LRRTM4: variants seen among roughly 807,000 people sequenced by gnomAD.
The protein encoded by LRRTM4 is leucine rich repeat transmembrane neuronal 4.
Under a neutral mutation model 47.6 loss-of-function variants are expected in LRRTM4, and 25 were observed. That is an observed-to-expected ratio of 0.53 (90% CI 0.38 to 0.73). LRRTM4 has a LOEUF of 0.73. LRRTM4 is among the 30% of genes least tolerant of loss of function. The pLI is 0.00. For missense variants in LRRTM4, 638 were observed against 713.4 expected (o/e 0.89, Z 1.20); for synonymous variants, 311 against 269.5 (o/e 1.15, Z -1.51).
chr2:77,386,002 C>G (rs540963695), intron 3 of LRRTM4, among the ~76,000 whole-genome samples: 2 of 151,922 alleles, frequency 1.3e-5, no homozygotes, highest in African/African-American at 4.8e-5. Context: ...GGTGATCCAA[C>G]CACCTCGGCC....
chr2:76,825,726 C>T (rs549964176), intron 3 of LRRTM4, among the ~76,000 whole-genome samples: 10 of 151,394 alleles, frequency 6.6e-5, no homozygotes, highest in Middle Eastern at 3.4e-3. Context: ...TTCATGAGAC[C>T]GAATGAGGTC....
chr2:77,165,104 G>C (rs984295853), intron 3 of LRRTM4, among the ~76,000 whole-genome samples: 4 of 151,986 alleles, frequency 2.6e-5, no homozygotes, highest in African/African-American at 9.7e-5. Flanking sequence ...GAATCAAATA[G>C]ATGCAATAAA....
At chr2:76,854,274 T>C (rs909548275) in intron 3 of LRRTM4, among the ~76,000 whole-genome samples, 26 of 152,136 alleles carry the variant, frequency 1.7e-4, no homozygotes, top group African/African-American at 6.3e-4. Context: ...GGGTTAGTAT[T>C]ATTATTTTAA....
intron 3 of LRRTM4, among the ~76,000 whole-genome samples, chr2:76,792,847 T>G (rs1459281084): frequency 6.6e-6 from 1 of 152,158 alleles, no homozygotes; most frequent in Non-Finnish European, 1.5e-5. Flanking sequence ...TTCAAAGCAG[T>G]AAACTGGAGC....
chr2:77,257,308 A>C (rs748563980), intron 3 of LRRTM4, among the ~76,000 whole-genome samples: 5 of 151,692 alleles, frequency 3.3e-5, no homozygotes, highest in Non-Finnish European at 7.4e-5. Context: ...AAAATCATCT[A>C]CAAAAAAAAA....
intron 3 of LRRTM4, among the ~76,000 whole-genome samples, chr2:77,090,871 C>A (rs1056419289): frequency 1.3e-5 from 2 of 152,084 alleles, no homozygotes; most frequent in African/African-American, 4.8e-5. Flanking sequence ...CTCGGCAGCC[C>A]CCTAGACCAT....
chr2:77,475,913 A>G (rs1677369542), intron 3 of LRRTM4, among the ~76,000 whole-genome samples: 2 of 151,930 alleles, frequency 1.3e-5, no homozygotes, highest in South Asian at 2.1e-4. Flanking sequence ...TTTAAGATAT[A>G]TGACATTTTA....
In LRRTM4 at chr2:76,934,372, T is replaced by G. The variant is rs574796476; in HGVS notation, c.1552-185456A>C. ...ATTAAGGTAGTCTGAATACCAGCAT[T>G]TAGATCCAGTCGTATATATGACAGT... On this transcript the variant is annotated intron_variant, in intron 3 of 3. Transcript: ENST00000409884. Among the ~76,000 whole-genome samples the G allele has an allele frequency of 4.7e-4, 71 of 152,236 alleles. 1 individual carries two copies. In the South Asian group the frequency reaches 0.014, roughly 31 times the overall value.
At chr2:77,272,273 T>C (rs147047697) in intron 3 of LRRTM4, among the ~76,000 whole-genome samples, 84 of 152,274 alleles carry the variant, frequency 5.5e-4, no homozygotes, top group African/African-American at 2.0e-3. Flanking sequence ...TCAGGCAAAT[T>C]GGCACTTTAA....
intron 3 of LRRTM4, among the ~76,000 whole-genome samples, chr2:77,373,397 G>C (rs1573328036): frequency 6.6e-6 from 1 of 151,664 alleles, no homozygotes; most frequent in East Asian, 1.9e-4. Flanking sequence ...ATTGCCGTTT[G>C]CCTCCAGACT....
chr2:77,507,413 A>T lies in LRRTM4; in HGVS notation c.1551+10905T>A, dbSNP rs569154673. 2.5e-3 allele frequency among the ~76,000 whole-genome samples: 378 copies of T among 152,254 alleles called. 1 individual carries two copies. Among genetic ancestry groups the T allele is most frequent in the Non-Finnish European group, 3.3e-3 (222 of 68,020 alleles). ...TGTTTTGTTGGAGAATCATATACAC[A>T]TTCCAAAGGAAGATGTTATACCAAA... On this transcript the variant is annotated intron_variant, in intron 3 of 3. Transcript: ENST00000409884.
chr2:77,251,260 T>C (rs1055092185), intron 3 of LRRTM4, among the ~76,000 whole-genome samples: 18 of 146,546 alleles, frequency 1.2e-4, no homozygotes, highest in South Asian at 4.3e-4. Context: ...TATATATATA[T>C]ACACACACAC....
chr2:77,166,088 C>A (rs1420253689), intron 3 of LRRTM4, among the ~76,000 whole-genome samples: 1 of 152,030 alleles, frequency 6.6e-6, no homozygotes, highest in Non-Finnish European at 1.5e-5. Flanking sequence ...AAATCTTAAG[C>A]TGATAAGCAA....
rs143315130 is a variant in LRRTM4, at chr2:77,004,488, G to T, written c.1552-255572C>A. 2.0e-5 allele frequency among the ~76,000 whole-genome samples: 3 copies of T among 152,194 alleles called. No individual in the cohort carries two copies. The East Asian group carries it at 5.8e-4, about 30-fold the overall frequency. Reference sequence around the variant, plus strand: ...ATTGAGGTTTGTGAACCTTTGCCTAGATTTCAGAGCATGTATGAAAACACC... The same window carrying T: ...ATTGAGGTTTGTGAACCTTTGCCTATATTTCAGAGCATGTATGAAAACACC... On this transcript the variant is annotated intron_variant, in intron 3 of 3. Coordinates refer to ENST00000409884, the MANE Select transcript of LRRTM4 (RefSeq NM_001134745.3).
At chr2:77,151,623 G>A (rs547434081) in intron 3 of LRRTM4, among the ~76,000 whole-genome samples, 3 of 152,280 alleles carry the variant, frequency 2.0e-5, no homozygotes, top group Non-Finnish European at 2.9e-5. Context: ...TGCTGTTTGC[G>A]ACAGCATGGA....
intron 3 of LRRTM4, among the ~76,000 whole-genome samples, chr2:77,414,682 A>G (rs980821026): frequency 2.0e-5 from 3 of 152,370 alleles, no homozygotes; most frequent in Middle Eastern, 3.4e-3. Flanking sequence ...TTTGGAAACA[A>G]TGCTTACTGG....
At chr2:77,223,128 T>C (rs1674692638) in intron 3 of LRRTM4, among the ~76,000 whole-genome samples, 1 of 152,132 alleles carries the variant, frequency 6.6e-6, no homozygotes, top group Non-Finnish European at 1.5e-5. Flanking sequence ...TACCAATAGA[T>C]GCAGAAAAGG....
chr2:77,492,233 T>C (rs1379630113), intron 3 of LRRTM4, among the ~76,000 whole-genome samples: 3 of 152,166 alleles, frequency 2.0e-5, no homozygotes, highest in Admixed American at 6.5e-5. Context: ...GAAAGCATTT[T>C]ATGTACAAAA....
intron 3 of LRRTM4, among the ~76,000 whole-genome samples, chr2:76,925,851 G>A (rs1674573604): frequency 6.6e-6 from 1 of 151,990 alleles, no homozygotes; most frequent in Non-Finnish European, 1.5e-5. Context: ...CAAGATTTGG[G>A]GAGAAAACCT....
Sources: allele counts gnomAD v4.1 joint callset (sites outside exome capture counted in the v4.1 genomes callset), GRCh38; gene constraint gnomAD v4.1.1; transcripts MANE v1.5; gene names NCBI Gene and HGNC (gene_info 2026-07-23, HGNC 2026-07-21).